The following RPH3A variants were observed in gnomAD, a reference collection of about 807,000 sequenced individuals.
The protein encoded by RPH3A is rabphilin-3A.
Under a neutral mutation model 102.2 loss-of-function variants are expected in RPH3A, and 48 were observed. That is an observed-to-expected ratio of 0.47 (90% confidence interval 0.37 to 0.60). The LOEUF is 0.60. Among genes scored for constraint, RPH3A ranks in the 20% least tolerant of loss-of-function variants. The probability of loss-of-function intolerance (pLI) is 0.00; values close to 1 mark genes in which losing one functional copy is unlikely to be tolerated. For missense variants in RPH3A, 781 were observed against 910.1 expected, an observed-to-expected ratio of 0.86 and a Z score of 1.83; for synonymous variants, 310 against 324.3, an observed-to-expected ratio of 0.96 and a Z score of 0.47.
chr12:112,647,912 A>C (rs1340964934), intron 1 of RPH3A, among the ~76,000 whole-genome samples: 7 of 152,228 alleles, frequency 4.6e-5, no homozygotes, highest in Admixed American at 4.6e-4. Context: ...TGCTTGATAC[A>C]TGTTAACTGT....
Position 112,833,730 on chromosome 12 carries a change from GTT to G in RPH3A, c.72-2746_72-2745del, listed in dbSNP as rs71445581. On this transcript the variant is annotated intron_variant, in intron 3 of 21. Transcript: ENST00000389385. The stretch of plus-strand genomic sequence containing the variant: ...TTAAAGCACAGTTTGATAATTTCAT[GTT>G]TTTTTTTTTTTTTTAAAGACAGTGT... 1.1e-3 allele frequency among the ~76,000 whole-genome samples: 158 copies of G among 143,632 alleles called. 3 individuals carry two copies. The highest frequency in any genetic ancestry group is 3.6e-3 in the Middle Eastern group (1 of 278). 94.2% of individuals were successfully genotyped at this position (143,632 alleles called of 152,430 possible).
At chr12:112,848,947 C>T (rs2042276981) in intron 5 of RPH3A, among the ~76,000 whole-genome samples, 1 of 152,016 alleles carries the variant, frequency 6.6e-6, no homozygotes, top group Non-Finnish European at 1.5e-5. Context: ...AGTGGTCTTC[C>T]TAGACCCGAA....
At chr12:112,583,380 T>C (rs2039414075) in intron 1 of RPH3A, among the ~76,000 whole-genome samples, 1 of 152,190 alleles carries the variant, frequency 6.6e-6, no homozygotes, top group South Asian at 2.1e-4. Context: ...CAAGGTCAGA[T>C]AGGGAATAGG....
At chr12:112,693,404 G>A (rs1233694282) in intron 1 of RPH3A, among the ~76,000 whole-genome samples, 1 of 152,214 alleles carries the variant, frequency 6.6e-6, no homozygotes, top group Non-Finnish European at 1.5e-5. Context: ...CATTTTTGGA[G>A]TGATCTTTGG....
At chr12:112,742,147 C>T (rs1462090229) in intron 1 of RPH3A, among the ~76,000 whole-genome samples, 2 of 151,944 alleles carry the variant, frequency 1.3e-5, no homozygotes, top group African/African-American at 2.4e-5. Context: ...GTTGAAAGTC[C>T]AAGCGAGATC....
intron 1 of RPH3A, among the ~76,000 whole-genome samples, chr12:112,678,303 AAGAGAGAGAGAG>A (rs772237822): frequency 6.0e-5 from 3 of 50,184 alleles, no homozygotes; most frequent in East Asian, 9.6e-4. Flanking sequence ...GAAAGAAAGA[AAGAGAGAGAGAG>A]AGAAAGAAAG....
intron 1 of RPH3A, among the ~76,000 whole-genome samples, chr12:112,739,294 C>T (rs529117777): frequency 6.6e-6 from 1 of 152,194 alleles, no homozygotes; most frequent in Non-Finnish European, 1.5e-5. Flanking sequence ...CCTGCATGAA[C>T]TCAACTGCTC....
chr12:112,659,672 A>G (rs2040036351), intron 1 of RPH3A, among the ~76,000 whole-genome samples: 1 of 152,200 alleles, frequency 6.6e-6, no homozygotes, highest in Non-Finnish European at 1.5e-5. Flanking sequence ...TAAAAATCCC[A>G]TTCCTCATCT....
chr12:112,616,758 A>G (rs1304156829), intron 1 of RPH3A, among the ~76,000 whole-genome samples: 3 of 152,204 alleles, frequency 2.0e-5, no homozygotes, highest in Admixed American at 6.5e-5. Context: ...TCTCTTAAGT[A>G]TCCACCCAGA....
chr12:112,634,420 G>T (rs2039833110), intron 1 of RPH3A, among the ~76,000 whole-genome samples: 2 of 144,750 alleles, frequency 1.4e-5, no homozygotes, highest in South Asian at 4.5e-4. Flanking sequence ...GCCAGGCGTG[G>T]TGGCGGGCAC....
At chr12:112,885,689 T>C (rs1380971173) in intron 16 of RPH3A, among the ~76,000 whole-genome samples, 1 of 152,218 alleles carries the variant, frequency 6.6e-6, no homozygotes, top group African/African-American at 2.4e-5. Context: ...AATCGCATCA[T>C]GAGTTTTTTA....
intron 1 of RPH3A, among the ~76,000 whole-genome samples, chr12:112,634,075 G>A (rs371143800): frequency 1.2e-4 from 18 of 152,190 alleles, no homozygotes; most frequent in African/African-American, 3.4e-4. Flanking sequence ...TCGGCTGGGC[G>A]CAGTGGCTCA....
At chr12:112,668,901 C>T (rs1334213775) in intron 1 of RPH3A, among the ~76,000 whole-genome samples, 1 of 152,120 alleles carries the variant, frequency 6.6e-6, no homozygotes, top group East Asian at 1.9e-4. Context: ...CCTCAGAACT[C>T]CTCATGGCTT....
At chr12:112,856,742 T>C (rs4141252) in intron 5 of RPH3A, among the ~76,000 whole-genome samples, 69,801 of 152,102 alleles carry the variant, frequency 0.46, 16,575 homozygotes, top group African/African-American at 0.56. Context: ...ATATAAAAGC[T>C]ACAGATTTTT....
At chr12:112,710,833 C>T (rs937302095) in intron 1 of RPH3A, among the ~76,000 whole-genome samples, 1 of 151,982 alleles carries the variant, frequency 6.6e-6, no homozygotes, top group Non-Finnish European at 1.5e-5. Context: ...TTTTTATTAC[C>T]CTTTCTTTTT....
At chr12:112,843,500 A>G (rs3803060) in intron 4 of RPH3A, among the ~76,000 whole-genome samples, 69,591 of 151,986 alleles carry the variant, frequency 0.46, 16,355 homozygotes, top group East Asian at 0.58. Context: ...GGCCTCTCGG[A>G]GACCCCCAGC....
intron 1 of RPH3A, among the ~76,000 whole-genome samples, chr12:112,764,160 G>A (rs1173760698): frequency 6.6e-6 from 1 of 152,216 alleles, no homozygotes; most frequent in Admixed American, 6.5e-5. Context: ...CAGATTAACA[G>A]GAGAAAAGGC....
At chr12:112,871,007 A>C (rs953577221) in intron 10 of RPH3A, among the ~76,000 whole-genome samples, 2 of 152,212 alleles carry the variant, frequency 1.3e-5, no homozygotes, top group African/African-American at 4.8e-5. Context: ...CGCATTTTAC[A>C]GAATGGAGAA....
chr12:112,698,855 TCCTTCCCCTTCCCCTTCCCCTTCC>T (rs575847434), intron 1 of RPH3A, among the ~76,000 whole-genome samples: 1 of 149,218 alleles, frequency 6.7e-6, no homozygotes, highest in Non-Finnish European at 1.5e-5. Context: ...CTTCTCCTTC[TCCTTCCCCTTCCCCTTCCCCTTCC>T]CCTTCCGCTT....
Sources: gnomAD v4.1 joint callset for allele counts (sites outside exome capture counted in the v4.1 genomes callset) on GRCh38, gnomAD v4.1.1 for gene constraint, MANE v1.5 for transcripts, NCBI Gene and HGNC (gene_info 2026-07-23, HGNC 2026-07-21) for gene names.